Variants in PTPN21 observed in about 807,000 individuals in gnomAD.
PTPN21 encodes tyrosine-protein phosphatase non-receptor type 21.
PTPN21 carries 77 observed loss-of-function variants against 131.8 expected under a neutral mutation model. The ratio of observed to expected loss-of-function variants is 0.58; its 90% CI spans 0.49 to 0.71. The LOEUF (loss-of-function observed/expected upper bound fraction) is 0.71. Ranked by LOEUF, PTPN21 falls within the 30% of genes least tolerant of loss-of-function variation. The probability of loss-of-function intolerance (pLI) is 0.00; values close to 1 mark genes in which losing one functional copy is unlikely to be tolerated. For synonymous variants in PTPN21, 715 were observed against 621.3 expected (o/e 1.15, Z -2.24); for missense variants, 1,552 against 1,527.1 (o/e 1.02, Z -0.27).
rs764496681 is a variant in PTPN21, at chr14:88,472,267, A to C, written c.2848T>G (p.Tyr950Asp). 1 of 1,611,444 alleles carries C rather than the reference A, an allele frequency of 6.2e-7. No individual in the cohort carries two copies. Among genetic ancestry groups the C allele is most frequent in the East Asian group, 2.2e-5 (1 of 44,878 alleles). Residue 950 changes from tyrosine to aspartate, a missense_variant, in exon 15 of 19, where the codon TAC (tyrosine) becomes GAC (aspartate). Transcript: ENST00000556564. ...ACCTTAATATGTGATGCGTTGATGT[A>C]ACCAGTGTTGTTTTCTTTAGTTGGG... The part of the protein sequence containing the change: ...LVPTKENNTG[Y>D]INASHIKVSV...
At chr14:88,550,663 G>A in intron 1 of PTPN21, 44 bp from the exon 2 acceptor site, 1 of 422,598 alleles carries the variant, frequency 2.4e-6, no homozygotes, top group Non-Finnish European at 4.2e-6. Context: ...CGTAACGCTG[G>A]GCTTTGCTTG....
chr14:88,529,030 A>G (rs1224648283), intron 2 of PTPN21, among the ~76,000 whole-genome samples: 1 of 152,178 alleles, frequency 6.6e-6, no homozygotes, highest in Non-Finnish European at 1.5e-5. Context: ...AGAAGTGGTG[A>G]AAGTTAACAT....
intron 8 of PTPN21, among the ~76,000 whole-genome samples, chr14:88,498,142 G>C (rs1226900748): frequency 6.6e-6 from 1 of 151,132 alleles, no homozygotes; most frequent in Non-Finnish European, 1.5e-5. Flanking sequence ...CAGGCGAGGT[G>C]GCAGGCACCT....
chr14:88,546,676 T>C (rs983346434), intron 2 of PTPN21, among the ~76,000 whole-genome samples: 19 of 152,184 alleles, frequency 1.2e-4, no homozygotes, highest in Non-Finnish European at 2.2e-4. Context: ...GTAGCAAAGT[T>C]TTCCACCCAA....
In PTPN21 at chr14:88,479,047, G is replaced by C; in HGVS notation, c.2384C>G (p.Ser795Cys). ...CGTGGTGAGGTCGGACTCCGACATG[G>C]AGGGCATCAGCAGCCCGTCTCTCCA... ...RPWRDGLLMP[S>C]MSESDLTTSG... is the part of the protein sequence containing the mutation. The change falls in exon 13 of 19, where the codon TCC becomes TGC. Residue 795 changes from serine (S) to cysteine (C), a missense_variant. Transcript: ENST00000556564. 1.2e-6 allele frequency: 2 copies of C among 1,607,364 alleles called. No homozygotes were observed. Among genetic ancestry groups the C allele is most frequent in the Non-Finnish European group, 1.7e-6 (2 of 1,177,628 alleles).
rs183510165 is a variant in PTPN21, at chr14:88,470,347, G to T, written c.2872-297C>A. 2.7e-4 allele frequency: 94 copies of T among 353,912 alleles called. No homozygotes were observed. In the East Asian group the frequency reaches 6.0e-3, roughly 23 times the overall value. 21.9% of individuals were successfully genotyped at this position (353,912 alleles called of 1,614,324 possible). On this transcript the variant is annotated intron_variant, in intron 15 of 18. Coordinates refer to ENST00000556564, the MANE Select transcript of PTPN21 (RefSeq NM_007039.4). ...TTATACAATAAAGATACTGCCTACC[G>T]TCATAGGGTCATTGTGAGGACTGAG...
chr14:88,551,429 C>G (rs1395252502), intron 1 of PTPN21: 1 of 152,250 alleles, frequency 6.6e-6, no homozygotes. Flanking sequence ...AGCACTCAGG[C>G]CCCGGCTTCT....
chr14:88,533,671 C>A (rs527383773), intron 2 of PTPN21, among the ~76,000 whole-genome samples: 1 of 152,010 alleles, frequency 6.6e-6, no homozygotes, highest in Non-Finnish European at 1.5e-5. Flanking sequence ...TCACTTGAGC[C>A]AAGGAGTTCA....
chr14:88,510,626 C>G (rs1194713652), intron 3 of PTPN21, among the ~76,000 whole-genome samples: 6 of 152,160 alleles, frequency 3.9e-5, no homozygotes, highest in African/African-American at 1.2e-4. Flanking sequence ...GACCCAGGAG[C>G]CAGCCTGCTT....
At chr14:88,501,633 C>A (rs908216721) in intron 6 of PTPN21, among the ~76,000 whole-genome samples, 4 of 151,990 alleles carry the variant, frequency 2.6e-5, no homozygotes, top group African/African-American at 9.7e-5. Context: ...CCTAAAAAAT[C>A]TTAGGGTGAA....
At chr14:88,478,262 C>T (rs2077577215) in intron 13 of PTPN21, among the ~76,000 whole-genome samples, 2 of 152,172 alleles carry the variant, frequency 1.3e-5, no homozygotes, top group South Asian at 4.1e-4. Context: ...ATTTATTAGG[C>T]TGAATATTAA....
At chr14:88,506,751 T>C (rs2078096301) in intron 4 of PTPN21, among the ~76,000 whole-genome samples, 1 of 152,074 alleles carries the variant, frequency 6.6e-6, no homozygotes, top group Non-Finnish European at 1.5e-5. Context: ...AACTTATTCA[T>C]GTAACCATAG....
chr14:88,524,971 G>A (rs1459746872), intron 2 of PTPN21, among the ~76,000 whole-genome samples: 1 of 152,012 alleles, frequency 6.6e-6, no homozygotes. Context: ...GGCTAGGCAT[G>A]GTCACTTATA....
intron 3 of PTPN21, among the ~76,000 whole-genome samples, chr14:88,514,648 G>C (rs1184519832): frequency 6.6e-6 from 1 of 151,812 alleles, no homozygotes; most frequent in African/African-American, 2.4e-5. Flanking sequence ...ATTTTTAGTA[G>C]AGACGGCGTT....
chr14:88,521,223 C>T (rs1225698265), intron 2 of PTPN21, among the ~76,000 whole-genome samples: 2 of 152,152 alleles, frequency 1.3e-5, no homozygotes, highest in African/African-American at 2.4e-5. Context: ...GACTCCTCCC[C>T]TCAAAAGACT....
chr14:88,549,988 AT>A (rs2078838241), intron 2 of PTPN21, among the ~76,000 whole-genome samples: 1 of 151,840 alleles, frequency 6.6e-6, no homozygotes, highest in African/African-American at 2.4e-5. Flanking sequence ...GTTTCACCAT[AT>A]TGGCCAGGCT....
chr14:88,497,372 G>A (rs1566826040), intron 8 of PTPN21, 82 bp from the exon 9 acceptor site: 12 of 1,094,262 alleles, frequency 1.1e-5, no homozygotes, highest in Non-Finnish European at 8.3e-6. Flanking sequence ...TTTTCCCTAA[G>A]CCTGACGTGT....
At chr14:88,500,648 C>T in intron 8 of PTPN21, 135 bp downstream of exon 8, 1 of 636,038 alleles carries the variant, frequency 1.6e-6, no homozygotes, top group Non-Finnish European at 2.8e-6. Flanking sequence ...TATTTTTTTC[C>T]TAGGAAGGGA....
intron 2 of PTPN21, among the ~76,000 whole-genome samples, chr14:88,522,555 T>C (rs929310584): frequency 2.0e-5 from 3 of 152,116 alleles, no homozygotes; most frequent in Non-Finnish European, 4.4e-5. Context: ...CAAGGATAGA[T>C]TGTTTACATG....
Sources: gnomAD v4.1 joint callset for allele counts (sites outside exome capture counted in the v4.1 genomes callset) on GRCh38, gnomAD v4.1.1 for gene constraint, MANE v1.5 for transcripts, NCBI Gene and HGNC (gene_info 2026-07-23, HGNC 2026-07-21) for gene names.